A4GALT: variants seen among roughly 807,000 people sequenced by gnomAD.
The protein encoded by A4GALT is alpha 1,4-galactosyltransferase (P1PK blood group).
For missense variants in A4GALT, 512 were observed against 486.0 expected (o/e 1.05, Z -0.50); for synonymous variants, 257 against 220.7 (o/e 1.16, Z -1.46).
At chr22:42,719,798 T>G (rs948162690) in intron 1 of A4GALT, among the ~76,000 whole-genome samples, 4 of 152,124 alleles carry the variant, frequency 2.6e-5, no homozygotes, top group African/African-American at 9.7e-5. Flanking sequence ...ACCCACCAGG[T>G]GCTCGGGGTT....
At chr22:42,720,143 G>A (rs28908471) in intron 1 of A4GALT, among the ~76,000 whole-genome samples, 31,593 of 152,088 alleles carry the variant, frequency 0.21, 4,077 homozygotes, top group East Asian at 0.67. Flanking sequence ...GAGGAGGGAG[G>A]GGCGCCTGCG....
chr22:42,702,494 C>T lies in A4GALT; in HGVS notation c.-187-6863G>A, dbSNP rs563186505. Among the ~76,000 whole-genome samples the T allele has an allele frequency of 4.8e-3, 734 of 152,282 alleles. 7 individuals carry two copies. The highest frequency in any genetic ancestry group is 0.017 in the African/African-American group (694 of 41,558). On this transcript the variant is annotated intron_variant, in intron 1 of 2. Transcript: ENST00000642412. ...GTACTACAGGAGTGCGCCACCATGT[C>T]TGGCTAATTTTTTTGTATTTTTAGT...
intron 1 of A4GALT, among the ~76,000 whole-genome samples, chr22:42,700,113 G>A (rs1035691822): frequency 3.3e-5 from 5 of 152,306 alleles, no homozygotes; most frequent in Non-Finnish European, 5.9e-5. Context: ...CCCAGGAGAC[G>A]GGGGCTCCAG....
rs776427939 is a variant in A4GALT, at chr22:42,693,917, A to G, written c.35T>C (p.Leu12Pro). 10 of 1,602,542 alleles carry G rather than the reference A, an allele frequency of 6.2e-6. No individual in the cohort carries two copies. The highest frequency in any genetic ancestry group is 8.5e-6 in the Non-Finnish European group (10 of 1,175,382). ...SKPPDLLLRL[L>P]RGAPRQRVCT... ...GACCCGCTGCCTTGGGGCGCCCCGG[A>G]GCAGCCGCAGCAGGAGGTCGGGGGG... Residue 12 changes from leucine to proline, a missense_variant, in exon 3 of 3, where the codon CTC becomes CCC. Leu to Pro is a moderately conservative substitution (Grantham distance 98). Transcript: ENST00000642412.
In A4GALT at chr22:42,692,374, T is replaced by C. The variant is rs1445382628; in HGVS notation, c.*516A>G. The C allele has an allele frequency of 2.6e-5, 8 of 309,612 alleles. No individual in the cohort carries two copies. The highest frequency in any genetic ancestry group is 1.1e-4 in the South Asian group (4 of 36,902). The allele number at this position is 309,612 out of a possible 1,614,324, so 19.2% of individuals were successfully genotyped here. On this transcript the variant is annotated 3_prime_UTR_variant, in exon 3 of 3. Coordinates refer to ENST00000642412, the MANE Select transcript of A4GALT (RefSeq NM_017436.7). This position sits in a 1 kb window ranked among gnomAD's most constrained non-coding sequence, Gnocchi z 4.6. ...CTGGGCCTCTGCCCCACTCAGTCCC[T>C]GTTGACCTCCCCCACCCCCCGCGAA...
intron 1 of A4GALT, among the ~76,000 whole-genome samples, chr22:42,707,596 C>A (rs893879019): frequency 2.0e-5 from 3 of 152,074 alleles, no homozygotes; most frequent in African/African-American, 7.2e-5. Flanking sequence ...GCAGAGGTTG[C>A]AGTGAGCTGA....
intron 1 of A4GALT, among the ~76,000 whole-genome samples, chr22:42,701,288 AG>A (rs1931283484): frequency 6.6e-6 from 1 of 152,188 alleles, no homozygotes; most frequent in African/African-American, 2.4e-5. Flanking sequence ...GTCTGTGGAC[AG>A]GGGTAACACC....
At chr22:42,697,230 C>T (rs1156957778) in intron 1 of A4GALT, among the ~76,000 whole-genome samples, 1 of 151,938 alleles carries the variant, frequency 6.6e-6, no homozygotes, top group African/African-American at 2.4e-5. Context: ...AGTGAGTGAC[C>T]AGTAAGAGTG....
At chr22:42,707,700 G>C (rs1921276707) in intron 1 of A4GALT, among the ~76,000 whole-genome samples, 1 of 151,902 alleles carries the variant, frequency 6.6e-6, no homozygotes, top group Non-Finnish European at 1.5e-5. Flanking sequence ...AAAACACCAA[G>C]TATCCATATC....
At position 42,692,807 on chromosome 22, in the gene A4GALT, C is replaced by T. The variant is rs1243906497; in HGVS notation, c.*83G>A. The T allele has an allele frequency of 6.5e-7, 1 of 1,544,242 alleles. No homozygotes were observed. The highest frequency in any genetic ancestry group is 8.8e-7 in the Non-Finnish European group (1 of 1,135,360). ...CGGTGGCAGCTCGGGCCTCCCTCTC[C>T]CGGGCCCTCAATCTTGCCTCCCCGG... On this transcript the variant is annotated 3_prime_UTR_variant, in exon 3 of 3. Transcript: ENST00000642412. The surrounding 1 kb of genome is among the most constrained non-coding windows in gnomAD (Gnocchi z 4.6).
intron 1 of A4GALT, among the ~76,000 whole-genome samples, chr22:42,706,234 A>G (rs1337638230): frequency 6.8e-6 from 1 of 147,254 alleles, no homozygotes; most frequent in Non-Finnish European, 1.5e-5. Context: ...GGGCACCTAT[A>G]GTCCCAGTTA....
At chr22:42,696,171 A>C (rs1348382534) in intron 1 of A4GALT, among the ~76,000 whole-genome samples, 6 of 146,608 alleles carry the variant, frequency 4.1e-5, no homozygotes, top group Non-Finnish European at 8.9e-5. Flanking sequence ...CTGTAATCCC[A>C]GCACTTTGGG....
rs749195557 is a variant in A4GALT, at chr22:42,693,393, C to G, written c.559G>C (p.Gly187Arg). 6.2e-7 allele frequency: 1 copy of G among 1,613,326 alleles called. No homozygotes were observed. The highest frequency in any genetic ancestry group is 2.2e-5 in the East Asian group (1 of 44,874). Residue 187 changes from glycine (G) to arginine (R), a missense_variant, in exon 3 of 3, where the codon GGC becomes CGC. Physicochemically the swap from Gly to Arg is moderately radical, Grantham distance 125 (BLOSUM62 -2). Transcript: ENST00000642412. ...AAGTCCGTGTCCAGGTAGATGCCGCCGAACTTCCACATGAGTGCGATCCTG... is the reference window on the plus strand; with the variant it reads ...AAGTCCGTGTCCAGGTAGATGCCGCGGAACTTCCACATGAGTGCGATCCTG... Reference protein sequence around the residue: ...ASRIALMWKFGGIYLDTDFIV... With the variant: ...ASRIALMWKFRGIYLDTDFIV...
intron 1 of A4GALT, among the ~76,000 whole-genome samples, chr22:42,711,652 A>AC (rs1921704819): frequency 1.3e-5 from 2 of 150,800 alleles, no homozygotes; most frequent in South Asian, 4.2e-4. Context: ...TTTTTTTTCC[A>AC]CCCCCGAGTC....
intron 1 of A4GALT, among the ~76,000 whole-genome samples, chr22:42,718,011 G>C (rs921455676): frequency 2.0e-5 from 3 of 152,118 alleles, no homozygotes; most frequent in African/African-American, 7.2e-5. Flanking sequence ...TGATTACCAG[G>C]TTAATTCCTT....
intron 1 of A4GALT, among the ~76,000 whole-genome samples, chr22:42,711,576 G>C (rs1391594169): frequency 1.3e-5 from 2 of 152,174 alleles, no homozygotes; most frequent in Non-Finnish European, 2.9e-5. Context: ...CATCTCCCCT[G>C]GGGCCAGCAC....
At chr22:42,703,245 G>C (rs926903032) in intron 1 of A4GALT, among the ~76,000 whole-genome samples, 15 of 138,344 alleles carry the variant, frequency 1.1e-4, no homozygotes, top group Admixed American at 4.3e-4. Flanking sequence ...TTTTTTTGTT[G>C]TTTGTTTGTT....
In A4GALT at chr22:42,720,143, G is replaced by T. The variant is rs28908471; in HGVS notation, c.-188+654C>A. Among the ~76,000 whole-genome samples, 104 of 152,134 alleles carry T rather than the reference G, an allele frequency of 6.8e-4. 4 individuals carry two copies. In the South Asian group the frequency reaches 0.021, roughly 31 times the overall value. ...CCTTCCCCAGCTGGAGAGGAGGGAG[G>T]GGCGCCTGCGGATCCGAGGCGAGCG... On this transcript the variant is annotated intron_variant, in intron 1 of 2. Transcript: ENST00000642412.
chr22:42,719,626 C>T (rs753255256), intron 1 of A4GALT, among the ~76,000 whole-genome samples: 3 of 152,238 alleles, frequency 2.0e-5, no homozygotes, highest in African/African-American at 7.2e-5. Flanking sequence ...AGGTTTGAGG[C>T]TGGAAGAGGG....
Sources: allele counts gnomAD v4.1 joint callset (sites outside exome capture counted in the v4.1 genomes callset), GRCh38; gene constraint gnomAD v4.1.1; non-coding constraint Gnocchi (gnomAD v3.1); transcripts MANE v1.5; gene names NCBI Gene and HGNC (gene_info 2026-07-23, HGNC 2026-07-21).